The following DYSF variants were observed in gnomAD, a reference collection of about 807,000 sequenced individuals.
The protein encoded by DYSF is dysferlin.
A neutral mutation model predicts 274.9 loss-of-function variants in DYSF; 212 were observed. The observed-to-expected ratio is 0.77, with a 90% CI of 0.69 to 0.86. The LOEUF (loss-of-function observed/expected upper bound fraction) is 0.86. Ranked by LOEUF, DYSF falls within the 40% of genes least tolerant of loss-of-function variation. DYSF has a pLI of 0.00. For synonymous variants in DYSF, 1,091 were observed against 1,078.7 expected, an observed-to-expected ratio of 1.01 and a Z score of -0.22; for missense variants, 2,666 against 2,783.2, an observed-to-expected ratio of 0.96 and a Z score of 0.95.
At chr2:71,508,506 C>T (rs569288113) in intron 4 of DYSF, among the ~76,000 whole-genome samples, 2 of 152,278 alleles carry the variant, frequency 1.3e-5, no homozygotes, top group South Asian at 2.1e-4. Flanking sequence ...ACTTTTATAA[C>T]CTTGTAGCTG....
intron 32 of DYSF, among the ~76,000 whole-genome samples, chr2:71,597,127 C>T (rs771284596): frequency 6.6e-6 from 1 of 152,188 alleles, no homozygotes; most frequent in South Asian, 2.1e-4. Flanking sequence ...GCCCTGTCTC[C>T]CCATCCCAGC....
chr2:71,510,553 C>T (rs532851751), intron 4 of DYSF, among the ~76,000 whole-genome samples: 7 of 152,330 alleles, frequency 4.6e-5, no homozygotes, highest in Middle Eastern at 3.4e-3. Flanking sequence ...GCCCTGCTTT[C>T]CACCAGTGCT....
At chr2:71,492,564 T>A (rs528943738) in intron 3 of DYSF, among the ~76,000 whole-genome samples, 20 of 152,320 alleles carry the variant, frequency 1.3e-4, no homozygotes, top group South Asian at 4.1e-4. Context: ...ACATTTTTTT[T>A]AATTCAAATT....
chr2:71,546,982 C>T (rs181906472), intron 17 of DYSF, among the ~76,000 whole-genome samples: 2 of 152,206 alleles, frequency 1.3e-5, no homozygotes, highest in Non-Finnish European at 2.9e-5. Context: ...TTCAGCTTCC[C>T]CCAGGTGAGG....
At chr2:71,480,353 G>T (rs954006635) in intron 1 of DYSF, among the ~76,000 whole-genome samples, 3 of 149,876 alleles carry the variant, frequency 2.0e-5, no homozygotes, top group African/African-American at 4.9e-5. Context: ...GGGCAATATA[G>T]TGAGGCCCCC....
rs886056284 is a variant in DYSF at position 71,686,671 on chromosome 2, G to A, written c.*179G>A. 64 of 709,498 alleles carry A rather than the reference G, an allele frequency of 9.0e-5. No homozygotes were observed. Among genetic ancestry groups the A allele is most frequent in the Admixed American group, 6.3e-5 (3 of 47,552 alleles). 44.0% of individuals were successfully genotyped at this position (709,498 alleles called of 1,614,324 possible). A position where few individuals can be genotyped will look rare whatever the true frequency, so the allele number is the denominator to read the frequency against. On this transcript the variant is annotated 3_prime_UTR_variant, in exon 56 of 56. Coordinates refer to ENST00000410020, the MANE Select transcript of DYSF (RefSeq NM_001130987.2). Reference sequence around the variant, plus strand: ...CAGAGTTGCTAACATGGAGCTCTGAGATCACCCCACTTCCATCATTTCCTT... The same window carrying A: ...CAGAGTTGCTAACATGGAGCTCTGAAATCACCCCACTTCCATCATTTCCTT...
At chr2:71,663,325 C>T (rs1017760924) in intron 45 of DYSF, among the ~76,000 whole-genome samples, 14 of 152,330 alleles carry the variant, frequency 9.2e-5, no homozygotes, top group African/African-American at 3.1e-4. Context: ...GCAGATGCTG[C>T]GTCCCTTTAG....
At chr2:71,509,374 G>T (rs991720348) in intron 4 of DYSF, among the ~76,000 whole-genome samples, 1 of 151,740 alleles carries the variant, frequency 6.6e-6, no homozygotes, top group African/African-American at 2.4e-5. Context: ...TGTTGTCCAG[G>T]CTGGTTTTGA....
intron 32 of DYSF, among the ~76,000 whole-genome samples, chr2:71,590,726 C>T (rs998813368): frequency 3.3e-5 from 5 of 152,200 alleles, no homozygotes; most frequent in Non-Finnish European, 5.9e-5. Flanking sequence ...ACCTTGCTCC[C>T]CAGCTCCCCC....
intron 4 of DYSF, among the ~76,000 whole-genome samples, chr2:71,510,123 T>C (rs1348371059): frequency 6.6e-6 from 1 of 152,228 alleles, no homozygotes; most frequent in Non-Finnish European, 1.5e-5. Context: ...TTTCCTTCCT[T>C]TCTGGTGCAA....
chr2:71,668,279 T>G (rs549660501), intron 48 of DYSF, among the ~76,000 whole-genome samples: 1 of 152,344 alleles, frequency 6.6e-6, no homozygotes, highest in East Asian at 1.9e-4. Context: ...CTTCTAGTTC[T>G]GTGACCCTGC....
At chr2:71,613,489 C>T (rs965903960) in intron 40 of DYSF, 79 bp downstream of exon 40, 12 of 1,220,450 alleles carry the variant, frequency 9.8e-6, no homozygotes, top group Non-Finnish European at 5.9e-6. Context: ...TTCTCCCCTA[C>T]CCTTCATTAT....
At chr2:71,630,753 G>T (rs1342437632) in intron 41 of DYSF, among the ~76,000 whole-genome samples, 2 of 152,188 alleles carry the variant, frequency 1.3e-5, no homozygotes, top group African/African-American at 2.4e-5. Flanking sequence ...CATCTCCAAA[G>T]GTAGGGGCAG....
chr2:71,471,599 G>C (rs993223302), intron 1 of DYSF, among the ~76,000 whole-genome samples: 25 of 152,258 alleles, frequency 1.6e-4, no homozygotes, highest in African/African-American at 5.5e-4. Flanking sequence ...AATAGCACCT[G>C]GCCAGCCCCA....
At chr2:71,574,636 G>C (rs2092640373) in intron 30 of DYSF, among the ~76,000 whole-genome samples, 1 of 152,248 alleles carries the variant, frequency 6.6e-6, no homozygotes, top group Admixed American at 6.5e-5. Context: ...GAAAGCAGAG[G>C]GGAAGATGGC....
intron 30 of DYSF, among the ~76,000 whole-genome samples, chr2:71,586,710 A>G (rs1261955454): frequency 6.6e-6 from 1 of 152,024 alleles, no homozygotes; most frequent in Non-Finnish European, 1.5e-5. Context: ...GGCCATCTAG[A>G]GGAGGTGCCT....
At chr2:71,456,900 G>A (rs2081089670) in intron 1 of DYSF, among the ~76,000 whole-genome samples, 2 of 152,152 alleles carry the variant, frequency 1.3e-5, no homozygotes, top group African/African-American at 4.8e-5. Flanking sequence ...TCGGACCTGA[G>A]CCAGCCAGGG....
chr2:71,601,364 T>C (rs1024393288), intron 34 of DYSF, 135 bp from the exon 35 acceptor site: 30 of 1,175,046 alleles, frequency 2.6e-5, no homozygotes, highest in Non-Finnish European at 3.6e-5. Context: ...CAGCCTAGCA[T>C]CCCTTCTACC....
Position 71,682,810 on chromosome 2 carries a change from A to G in DYSF, c.6321+133A>G. On this transcript the variant is annotated intron_variant, in intron 55 of 55. Transcript: ENST00000410020. ...TCCTTGGAGAGCCCCTGGTCTGATGAGGATACAGAGCCCAGCTCTGGGGAG... is the reference window on the plus strand; with the variant it reads ...TCCTTGGAGAGCCCCTGGTCTGATGGGGATACAGAGCCCAGCTCTGGGGAG... The G allele has an allele frequency of 4.6e-6, 6 of 1,311,694 alleles. No homozygotes were observed. In the South Asian group the frequency reaches 7.9e-5, roughly 17 times the overall value. The allele number at this position is 1,311,694 out of a possible 1,614,324, so 81.3% of individuals were successfully genotyped here. A position where few individuals can be genotyped will look rare whatever the true frequency, so the allele number is the denominator to read the frequency against.
Sources: gnomAD v4.1 joint callset for allele counts (sites outside exome capture counted in the v4.1 genomes callset) on GRCh38, gnomAD v4.1.1 for gene constraint, MANE v1.5 for transcripts, NCBI Gene and HGNC (gene_info 2026-07-23, HGNC 2026-07-21) for gene names.